The following SNX29 variants were observed in gnomAD, a reference collection of about 807,000 sequenced individuals.
SNX29 encodes sorting nexin-29.
SNX29 carries 78 observed loss-of-function variants against 102.1 expected under a neutral mutation model. The ratio of observed to expected loss-of-function variants is 0.76; its 90% CI spans 0.64 to 0.92. The LOEUF is 0.92. Ranked by LOEUF, SNX29 falls within the 40% of genes least tolerant of loss-of-function variation. The pLI is 0.00. For missense variants in SNX29, 1,280 were observed against 1,061.7 expected, an observed-to-expected ratio of 1.21 and a Z score of -2.86; for synonymous variants, 580 against 414.5, an observed-to-expected ratio of 1.40 and a Z score of -4.85.
At chr16:12,171,282 C>G (rs1176817420) in intron 13 of SNX29, among the ~76,000 whole-genome samples, 1 of 152,064 alleles carries the variant, frequency 6.6e-6, no homozygotes, top group African/African-American at 2.4e-5. Flanking sequence ...GGTCTGGGGT[C>G]TGCCGTTGCA....
Position 12,573,287 on chromosome 16 carries a change from G to A in SNX29, c.*4658G>A, listed in dbSNP as rs977101640. 1 of 227,302 alleles carries A rather than the reference G, an allele frequency of 4.4e-6. No individual in the cohort carries two copies. The highest frequency in any genetic ancestry group is 8.7e-6 in the Non-Finnish European group (1 of 114,484). 14.1% of individuals were successfully genotyped at this position (227,302 alleles called of 1,614,324 possible). On this transcript the variant is annotated 3_prime_UTR_variant, in exon 21 of 21. Coordinates refer to ENST00000566228, the MANE Select transcript of SNX29 (RefSeq NM_032167.5). ...CTGGTATTCCTCACTCTAGCCATGA[G>A]CCATTGCCATCTTATGGGCCCGATT...
At chr16:12,423,204 T>G (rs1488573563) in intron 18 of SNX29, among the ~76,000 whole-genome samples, 1 of 152,104 alleles carries the variant, frequency 6.6e-6, no homozygotes, top group African/African-American at 2.4e-5. Flanking sequence ...TTGTTTTTTT[T>G]TTTTAAACAC....
chr16:12,383,440 T>C (rs965629015), intron 16 of SNX29, among the ~76,000 whole-genome samples: 1 of 152,208 alleles, frequency 6.6e-6, no homozygotes, highest in Non-Finnish European at 1.5e-5. Context: ...TTTCTTTTTT[T>C]TCTTTTTTCT....
intron 16 of SNX29, among the ~76,000 whole-genome samples, chr16:12,391,968 C>G (rs899780396): frequency 6.6e-6 from 1 of 152,222 alleles, no homozygotes; most frequent in Non-Finnish European, 1.5e-5. Flanking sequence ...AGGAATAGAT[C>G]ATCGTCTCTC....
At chr16:12,371,144 A>G (rs370314148) in intron 16 of SNX29, among the ~76,000 whole-genome samples, 2 of 152,194 alleles carry the variant, frequency 1.3e-5, no homozygotes, top group East Asian at 3.9e-4. Context: ...GTGGTTGGGG[A>G]TGCAACTGAT....
At chr16:12,104,801 C>T (rs1292655535) in intron 11 of SNX29, among the ~76,000 whole-genome samples, 2 of 152,200 alleles carry the variant, frequency 1.3e-5, no homozygotes, top group African/African-American at 4.8e-5. Context: ...TAGTTGGCAA[C>T]CCTTGTCTTT....
chr16:12,100,497 A>G (rs350234), intron 11 of SNX29, among the ~76,000 whole-genome samples: 58,865 of 151,870 alleles, frequency 0.39, 12,311 homozygotes, highest in East Asian at 0.7. Flanking sequence ...GGTAAAGTAA[A>G]GATGGACAAG....
chr16:12,073,558 T>C (rs568430660), intron 10 of SNX29, among the ~76,000 whole-genome samples: 2 of 152,348 alleles, frequency 1.3e-5, no homozygotes, highest in African/African-American at 4.8e-5. Context: ...TCTGTTCTTT[T>C]ACATTTGCTG....
chr16:12,516,595 C>T, intron 19 of SNX29, among the ~76,000 whole-genome samples: 1 of 151,954 alleles, frequency 6.6e-6, no homozygotes, highest in East Asian at 1.9e-4. Flanking sequence ...GTGACAAGTT[C>T]CTATATCAGC....
chr16:12,073,396 A>T (rs1357318587), intron 10 of SNX29, among the ~76,000 whole-genome samples: 1 of 152,096 alleles, frequency 6.6e-6, no homozygotes, highest in Non-Finnish European at 1.5e-5. Flanking sequence ...GGTTTCAAAG[A>T]ACATCTTTAT....
At chr16:12,518,439 T>C (rs1394373434) in intron 19 of SNX29, among the ~76,000 whole-genome samples, 1 of 152,196 alleles carries the variant, frequency 6.6e-6, no homozygotes, top group Admixed American at 6.5e-5. Context: ...CCACTTGGCA[T>C]GCCCTTCCCC....
intron 17 of SNX29, among the ~76,000 whole-genome samples, chr16:12,401,736 G>C (rs79266270): frequency 0.011 from 1,702 of 152,274 alleles, 44 homozygotes; most frequent in African/African-American, 0.039. Context: ...AGAAAGGGCT[G>C]TCTGCTTCTT....
intron 16 of SNX29, among the ~76,000 whole-genome samples, chr16:12,389,382 T>A (rs1012029699): frequency 5.9e-5 from 9 of 152,310 alleles, no homozygotes; most frequent in Admixed American, 4.6e-4. Context: ...CCTCCCATAC[T>A]GTTCTCATGG....
At chr16:11,977,029 C>G in intron 1 of SNX29, 1 of 478,894 alleles carries the variant, frequency 2.1e-6, no homozygotes, top group South Asian at 8.6e-5. Flanking sequence ...CTCCTGGTCT[C>G]CTGACTCCTG....
chr16:12,266,651 C>T (rs1480568002), intron 14 of SNX29, among the ~76,000 whole-genome samples: 1 of 140,042 alleles, frequency 7.1e-6, no homozygotes, highest in Non-Finnish European at 1.5e-5. Context: ...TCTCTGCCCA[C>T]ACTACTGATC....
At chr16:12,042,448 G>T (rs1432367630) in intron 4 of SNX29, among the ~76,000 whole-genome samples, 1 of 152,154 alleles carries the variant, frequency 6.6e-6, no homozygotes, top group African/African-American at 2.4e-5. Context: ...ATAGTACCTG[G>T]TAGGTAGTTT....
intron 20 of SNX29, chr16:12,561,095 G>C (rs1403581139): frequency 4.4e-6 from 1 of 226,360 alleles, no homozygotes; most frequent in Non-Finnish European, 8.8e-6. Flanking sequence ...GTTCACAGTG[G>C]AATTAGATTT....
At chr16:12,020,161 C>T (rs1017209782) in intron 3 of SNX29, among the ~76,000 whole-genome samples, 2 of 151,254 alleles carry the variant, frequency 1.3e-5, no homozygotes, top group African/African-American at 4.9e-5. Context: ...CTTGTTCTGT[C>T]ACCCATGCTA....
intron 11 of SNX29, among the ~76,000 whole-genome samples, chr16:12,114,535 G>C (rs2053618041): frequency 6.6e-6 from 1 of 151,896 alleles, no homozygotes; most frequent in African/African-American, 2.4e-5. Context: ...GTGTCAGATG[G>C]CCCGTGTTTC....
Sources: gnomAD v4.1 joint callset for allele counts (sites outside exome capture counted in the v4.1 genomes callset) on GRCh38, gnomAD v4.1.1 for gene constraint, MANE v1.5 for transcripts, NCBI Gene and HGNC (gene_info 2026-07-23, HGNC 2026-07-21) for gene names.